The following RAB15 variants were observed in gnomAD, a reference collection of about 807,000 sequenced individuals.
RAB15 encodes ras-related protein Rab-15.
In RAB15, 13 loss-of-function variants were observed where a neutral mutation model predicts 31.8. The observed-to-expected ratio is 0.41, with a 90% CI of 0.27 to 0.65. The LOEUF (loss-of-function observed/expected upper bound fraction) is 0.65, where lower values mean the gene tolerates loss of function less well. Ranked by LOEUF, RAB15 falls within the 30% of genes least tolerant of loss-of-function variation. RAB15 has a pLI of 0.32. For synonymous variants in RAB15, 100 were observed against 105.6 expected, an observed-to-expected ratio of 0.95 and a Z score of 0.33; for missense variants, 220 against 277.3, an observed-to-expected ratio of 0.79 and a Z score of 1.47.
At position 64,952,630 on chromosome 14, in the gene RAB15, A is replaced by C; in HGVS notation, c.125-59T>G. On this transcript the variant is annotated intron_variant, in intron 1 of 6. Transcript: ENST00000533601. This position sits in a 1 kb window ranked among gnomAD's most constrained non-coding sequence, Gnocchi z 4.2. ...GCGTACCCACGAGAAATGAACAGGA[A>C]AGGGCCAGGCAATCACACTTGAAAG... is the stretch of plus-strand genomic sequence containing the variant. The C allele has an allele frequency of 1.6e-6, 2 of 1,255,098 alleles. No homozygotes were observed. The highest frequency in any genetic ancestry group is 1.9e-4 in the Middle Eastern group (1 of 5,322). 77.7% of individuals were successfully genotyped at this position (1,255,098 alleles called of 1,614,324 possible).
In RAB15 at chr14:64,970,933, G is replaced by A. The variant is rs1887384808; in HGVS notation, c.124+1020C>T. Among the ~76,000 whole-genome samples, 1 of 152,188 alleles carries A rather than the reference G, an allele frequency of 6.6e-6. No individual in the cohort carries two copies. Among genetic ancestry groups the A allele is most frequent in the African/African-American group, 2.4e-5 (1 of 41,442 alleles). On this transcript the variant is annotated intron_variant, in intron 1 of 6. Coordinates refer to ENST00000533601, the MANE Select transcript of RAB15 (RefSeq NM_001308154.2). This position sits in a 1 kb window ranked among gnomAD's most constrained non-coding sequence, Gnocchi z 4.1. ...TGTGGACATGAATCCTCAAGAGGAA[G>A]CTGAGAGCTGGTGCCCATCCCTGAT...
In RAB15 at chr14:64,949,659, G is replaced by A. The variant is rs531149024; in HGVS notation, c.414+666C>T. Among the ~76,000 whole-genome samples, 4 of 150,044 alleles carry A rather than the reference G, an allele frequency of 2.7e-5. No homozygotes were observed. The East Asian group carries it at 7.8e-4, about 29-fold the overall frequency. ...AATTGCTTGAACTCAGGAGGCAGAG[G>A]TTGCAGTGAGCCGAGATGGCGCCAC... On this transcript the variant is annotated intron_variant, in intron 5 of 6. Transcript: ENST00000533601.
At chr14:64,965,255 C>G (rs1257473384) in intron 1 of RAB15, among the ~76,000 whole-genome samples, 1 of 151,840 alleles carries the variant, frequency 6.6e-6, no homozygotes, top group Non-Finnish European at 1.5e-5. Context: ...GTCAGAAGTT[C>G]GAGACCAGCC....
chr14:64,971,374 C>T lies in RAB15; in HGVS notation c.124+579G>A, dbSNP rs1022124590. Reference sequence around the variant, plus strand: ...AGAACAGATGTCTCCTCTTCCCAGGCGCAGGGGCTCCTCACCCTATCTGTG... The same window carrying T: ...AGAACAGATGTCTCCTCTTCCCAGGTGCAGGGGCTCCTCACCCTATCTGTG... On this transcript the variant is annotated intron_variant, in intron 1 of 6. Transcript: ENST00000533601. The surrounding 1 kb of genome is among the most constrained non-coding windows in gnomAD (Gnocchi z 4.1). 6.6e-6 allele frequency among the ~76,000 whole-genome samples: 1 copy of T among 152,136 alleles called. No individual in the cohort carries two copies. The highest frequency in any genetic ancestry group is 1.5e-5 in the Non-Finnish European group (1 of 68,008).
intron 1 of RAB15, among the ~76,000 whole-genome samples, chr14:64,969,838 G>T (rs1887334047): frequency 6.6e-6 from 1 of 152,166 alleles, no homozygotes; most frequent in Admixed American, 6.6e-5. Context: ...TGTCTAAGAA[G>T]GGAGATTACA....
At chr14:64,965,673 G>A (rs950201251) in intron 1 of RAB15, among the ~76,000 whole-genome samples, 1 of 152,146 alleles carries the variant, frequency 6.6e-6, no homozygotes, top group Non-Finnish European at 1.5e-5. Context: ...ACTCTGAGAA[G>A]AGCTGGCAAT....
Position 64,948,591 on chromosome 14 carries a change from T to C in RAB15, c.480+77A>G. 6.2e-7 allele frequency: 1 copy of C among 1,608,750 alleles called. No individual in the cohort carries two copies. The highest frequency in any genetic ancestry group is 1.7e-5 in the Admixed American group (1 of 59,710). ...CCCTGCAGCGGCCTGAGGGATAAGGTCCATCTTATGGCTCCTCCTCCCACC... is the reference window on the plus strand; with the variant it reads ...CCCTGCAGCGGCCTGAGGGATAAGGCCCATCTTATGGCTCCTCCTCCCACC... On this transcript the variant is annotated intron_variant, in intron 6 of 6. Coordinates refer to ENST00000533601, the MANE Select transcript of RAB15 (RefSeq NM_001308154.2). The surrounding 1 kb of genome is among the most constrained non-coding windows in gnomAD (Gnocchi z 7.0).
Position 64,951,718 on chromosome 14 carries a change from AG to A in RAB15, c.186-56del, listed in dbSNP as rs1555385834. 4 of 1,491,978 alleles carry A rather than the reference AG, an allele frequency of 2.7e-6. No homozygotes were observed. The highest frequency in any genetic ancestry group is 3.7e-6 in the Non-Finnish European group (4 of 1,068,622). 92.4% of individuals were successfully genotyped at this position (1,491,978 alleles called of 1,614,324 possible). On this transcript the variant is annotated intron_variant, in intron 2 of 6. Coordinates refer to ENST00000533601, the MANE Select transcript of RAB15 (RefSeq NM_001308154.2). The surrounding 1 kb of genome is among the most constrained non-coding windows in gnomAD (Gnocchi z 7.2). The stretch of plus-strand genomic sequence containing the variant: ...GCAGGGACCATGGGAACAGACGGGG[AG>A]GGGAAGAGCAGAGCTGTCCCCTTGT...
intron 1 of RAB15, among the ~76,000 whole-genome samples, chr14:64,969,074 A>G (rs752261586): frequency 9.9e-5 from 15 of 152,172 alleles, no homozygotes; most frequent in Admixed American, 1.3e-4. Flanking sequence ...CTGGTGAATT[A>G]CCTTGTTTTC....
chr14:64,971,804 T>G lies in RAB15; in HGVS notation c.124+149A>C. On this transcript the variant is annotated intron_variant, in intron 1 of 6. Transcript: ENST00000533601. This position sits in a 1 kb window ranked among gnomAD's most constrained non-coding sequence, Gnocchi z 4.1. ...CACCCTCACCTGCCAAAACCTATGC[T>G]CACCCCGAGATTTATCCCGGACTCC... 1 of 743,970 alleles carries G rather than the reference T, an allele frequency of 1.3e-6. No individual in the cohort carries two copies. The highest frequency in any genetic ancestry group is 2.2e-6 in the Non-Finnish European group (1 of 463,260). The allele number at this position is 743,970 out of a possible 1,614,324, so 46.1% of individuals were successfully genotyped here. A position where few individuals can be genotyped will look rare whatever the true frequency, so the allele number is the denominator to read the frequency against.
intron 1 of RAB15, among the ~76,000 whole-genome samples, chr14:64,964,810 T>C (rs1225493663): frequency 2.0e-5 from 3 of 152,038 alleles, no homozygotes; most frequent in Admixed American, 6.5e-5. Context: ...CTCCTGACCT[T>C]GTGATCTGCC....
chr14:64,950,447 A>G lies in RAB15; in HGVS notation c.325-33T>C. 1.3e-6 allele frequency: 2 copies of G among 1,539,918 alleles called. No individual in the cohort carries two copies. Among genetic ancestry groups the G allele is most frequent in the South Asian group, 1.1e-5 (1 of 89,650 alleles). On this transcript the variant is annotated intron_variant, in intron 4 of 6. Transcript: ENST00000533601. This position sits in a 1 kb window ranked among gnomAD's most constrained non-coding sequence, Gnocchi z 5.6. ...CAAAGGATGGGCAGAACAGCCAGTG[A>G]GTGCTGCCTGCCCCCCCAATTTTCC... is the stretch of plus-strand genomic sequence containing the variant.
In RAB15 at chr14:64,953,296, C is replaced by T. The variant is rs1886364413; in HGVS notation, c.125-725G>A. Among the ~76,000 whole-genome samples, 1 of 152,210 alleles carries T rather than the reference C, an allele frequency of 6.6e-6. No individual in the cohort carries two copies. Among genetic ancestry groups the T allele is most frequent in the Non-Finnish European group, 1.5e-5 (1 of 68,050 alleles). ...TGCTTCACTGAGCGTCCATTTCTGC[C>T]TCAGTAAATATCTTCATCAGGGACA... On this transcript the variant is annotated intron_variant, in intron 1 of 6. Transcript: ENST00000533601. This position sits in a 1 kb window ranked among gnomAD's most constrained non-coding sequence, Gnocchi z 4.6.
In RAB15 at chr14:64,951,194, A is replaced by T. The variant is rs1566842387; in HGVS notation, c.247-43T>A. The T allele has an allele frequency of 3.3e-6, 5 of 1,525,564 alleles. No individual in the cohort carries two copies. The highest frequency in any genetic ancestry group is 3.6e-6 in the Non-Finnish European group (4 of 1,105,626). The allele number at this position is 1,525,564 out of a possible 1,614,324, so 94.5% of individuals were successfully genotyped here. On this transcript the variant is annotated intron_variant, in intron 3 of 6. Coordinates refer to ENST00000533601, the MANE Select transcript of RAB15 (RefSeq NM_001308154.2). This position sits in a 1 kb window ranked among gnomAD's most constrained non-coding sequence, Gnocchi z 7.2. ...AGAGAGATGTGATATGCACAGAGAG[A>T]GTGCAGTCATGGGGCCAGAAGGGGC...
chr14:64,948,292 CCT>C lies in RAB15; in HGVS notation c.*60_*61del. 2.1e-6 allele frequency: 3 copies of C among 1,434,854 alleles called. No individual in the cohort carries two copies. The highest frequency in any genetic ancestry group is 2.7e-6 in the Non-Finnish European group (3 of 1,095,762). 88.9% of individuals were successfully genotyped at this position (1,434,854 alleles called of 1,614,324 possible). A position where few individuals can be genotyped will look rare whatever the true frequency, so the allele number is the denominator to read the frequency against. On this transcript the variant is annotated 3_prime_UTR_variant, in exon 7 of 7. Coordinates refer to ENST00000533601, the MANE Select transcript of RAB15 (RefSeq NM_001308154.2). This position sits in a 1 kb window ranked among gnomAD's most constrained non-coding sequence, Gnocchi z 7.0. ...AGCAGCAGGGCAAAGCCCCGGCTCC[CCT>C]GTCTGCCCACGGGCCTCCTGAGGGA...
intron 1 of RAB15, among the ~76,000 whole-genome samples, chr14:64,963,570 G>A (rs1273850382): frequency 6.6e-6 from 1 of 152,194 alleles, no homozygotes; most frequent in Non-Finnish European, 1.5e-5. Context: ...TGTGCTGACT[G>A]GTAGCAAAAG....
intron 1 of RAB15, among the ~76,000 whole-genome samples, chr14:64,960,198 G>A (rs1886782020): frequency 2.0e-5 from 3 of 152,208 alleles, no homozygotes. Context: ...CGGGGGCAGG[G>A]GCAGGATAGA....
In RAB15 at chr14:64,968,242, A is replaced by G. The variant is rs1344345477; in HGVS notation, c.124+3711T>C. ...CTGAAGAATCCCTTCTGTTGCATCTAAACTGCCTAGAGCCCCACGGACACC... is the reference window on the plus strand; with the variant it reads ...CTGAAGAATCCCTTCTGTTGCATCTGAACTGCCTAGAGCCCCACGGACACC... On this transcript the variant is annotated intron_variant, in intron 1 of 6. Coordinates refer to ENST00000533601, the MANE Select transcript of RAB15 (RefSeq NM_001308154.2). The surrounding 1 kb of genome is among the most constrained non-coding windows in gnomAD (Gnocchi z 4.9). Among the ~76,000 whole-genome samples, 1 of 152,196 alleles carries G rather than the reference A, an allele frequency of 6.6e-6. No individual in the cohort carries two copies. Among genetic ancestry groups the G allele is most frequent in the African/African-American group, 2.4e-5 (1 of 41,450 alleles).
At position 64,972,288 on chromosome 14, in the gene RAB15, G is replaced by A; in HGVS notation, c.-212C>T. ...GCGGCGGGAGCCCGGCGCGGCGCCCGCTCGGCTCGGCTCGGCTCGGCTGGG... is the reference window on the plus strand; with the variant it reads ...GCGGCGGGAGCCCGGCGCGGCGCCCACTCGGCTCGGCTCGGCTCGGCTGGG... On this transcript the variant is annotated 5_prime_UTR_variant, in exon 1 of 7. Coordinates refer to ENST00000533601, the MANE Select transcript of RAB15 (RefSeq NM_001308154.2). This position sits in a 1 kb window ranked among gnomAD's most constrained non-coding sequence, Gnocchi z 6.3. 9.2e-6 allele frequency: 1 copy of A among 108,392 alleles called. No individual in the cohort carries two copies. The highest frequency in any genetic ancestry group is 2.2e-5 in the Non-Finnish European group (1 of 45,842). The allele number at this position is 108,392 out of a possible 1,614,324, so 6.7% of individuals were successfully genotyped here. A position where few individuals can be genotyped will look rare whatever the true frequency, so the allele number is the denominator to read the frequency against.
Sources: allele counts gnomAD v4.1 joint callset (sites outside exome capture counted in the v4.1 genomes callset), GRCh38; gene constraint gnomAD v4.1.1; non-coding constraint Gnocchi (gnomAD v3.1); transcripts MANE v1.5; gene names NCBI Gene and HGNC (gene_info 2026-07-23, HGNC 2026-07-21).